Variants in GALK2 observed in about 807,000 individuals in gnomAD.
The protein encoded by GALK2 is galactokinase 2.
In GALK2, 36 loss-of-function variants were observed where a neutral mutation model predicts 52.4. That is an observed-to-expected ratio of 0.69 (90% CI 0.53 to 0.91). GALK2 has a LOEUF of 0.91. GALK2 is among the 40% of genes least tolerant of loss of function. The probability of loss-of-function intolerance (pLI) is 0.00; values close to 1 mark genes in which losing one functional copy is unlikely to be tolerated. For missense variants in GALK2, 579 were observed against 559.1 expected (o/e 1.04, Z -0.36); for synonymous variants, 176 against 199.1 (o/e 0.88, Z 0.98).
At chr15:49,171,643 T>C (rs546218589) in intron 1 of GALK2, among the ~76,000 whole-genome samples, 37 of 152,356 alleles carry the variant, frequency 2.4e-4, no homozygotes, top group Admixed American at 1.8e-3. Flanking sequence ...TAATATACTC[T>C]AGAGGTTCTT....
chr15:49,165,481 TAAAA>T (rs2084789425), upstream of GALK2, among the ~76,000 whole-genome samples: 1 of 152,164 alleles, frequency 6.6e-6, no homozygotes, highest in East Asian at 1.9e-4. Context: ...AAAATCAGAG[TAAAA>T]CAGTCTTTGC....
chr15:49,248,786 G>GT (rs527881894), intron 5 of GALK2, among the ~76,000 whole-genome samples: 35 of 151,916 alleles, frequency 2.3e-4, no homozygotes, highest in Admixed American at 8.5e-4. Flanking sequence ...TCACTTCTGG[G>GT]TTTTTTTTCC....
chr15:49,291,882 A>C (rs928715388), intron 7 of GALK2, among the ~76,000 whole-genome samples: 1 of 152,186 alleles, frequency 6.6e-6, no homozygotes, highest in Non-Finnish European at 1.5e-5. Context: ...AGTAAACAGG[A>C]AGTACCCTAA....
chr15:49,236,512 T>A (rs1484351191), intron 4 of GALK2, among the ~76,000 whole-genome samples: 1 of 152,202 alleles, frequency 6.6e-6, no homozygotes. Context: ...TTAGTATAAG[T>A]ATTTTCCAAG....
chr15:49,366,020 T>C, intron 3 of GALK2: 1 of 801,958 alleles, frequency 1.2e-6, no homozygotes, highest in Non-Finnish European at 2.3e-6. Flanking sequence ...ATTACAACTG[T>C]AAGAGGACTA....
chr15:49,199,424 G>T (rs954318973), intron 1 of GALK2, among the ~76,000 whole-genome samples: 9 of 152,106 alleles, frequency 5.9e-5, no homozygotes, highest in African/African-American at 2.2e-4. Flanking sequence ...CATCTACCAG[G>T]TAGTCCAGTA....
At chr15:49,245,604 C>G (rs546872910) in intron 5 of GALK2, among the ~76,000 whole-genome samples, 5 of 152,168 alleles carry the variant, frequency 3.3e-5, no homozygotes, top group African/African-American at 1.2e-4. Flanking sequence ...AATCAATGGC[C>G]TAGGGTGAGG....
In GALK2 at chr15:49,182,199, C is replaced by G. The variant is rs908950626; in HGVS notation, c.53+11824C>G. Among the ~76,000 whole-genome samples the G allele has an allele frequency of 5.9e-5, 9 of 152,238 alleles. No homozygotes were observed. In the South Asian group the frequency reaches 1.9e-3, roughly 32 times the overall value. ...ATTCTACTCTCTTTCTCCATGAGTT[C>G]AATTGTTTTAATTTTTAGCTCCTGC... On this transcript the variant is annotated intron_variant, in intron 1 of 9. Transcript: ENST00000560031.
chr15:49,303,731 T>C (rs1421474347), intron 8 of GALK2, among the ~76,000 whole-genome samples: 1 of 152,176 alleles, frequency 6.6e-6, no homozygotes, highest in African/African-American at 2.4e-5. Flanking sequence ...TGGTCCAGCC[T>C]TGCAGGCCTC....
chr15:49,285,612 C>T (rs2033262374), intron 7 of GALK2, among the ~76,000 whole-genome samples: 1 of 152,164 alleles, frequency 6.6e-6, no homozygotes, highest in Non-Finnish European at 1.5e-5. Flanking sequence ...TATTGACCAT[C>T]TTTACTTGAA....
chr15:49,266,527 C>T (rs2092367537), intron 5 of GALK2, among the ~76,000 whole-genome samples: 1 of 152,172 alleles, frequency 6.6e-6, no homozygotes, highest in African/African-American at 2.4e-5. Context: ...TCTTCTTAAT[C>T]TTCAGACCAG....
At chr15:49,304,143 C>T (rs1158785094) in intron 8 of GALK2, among the ~76,000 whole-genome samples, 2 of 152,236 alleles carry the variant, frequency 1.3e-5, no homozygotes, top group Non-Finnish European at 2.9e-5. Flanking sequence ...AAGAGGCCAA[C>T]ATCTTGCCAT....
intron 1 of GALK2, among the ~76,000 whole-genome samples, chr15:49,197,151 A>G (rs2087306380): frequency 6.6e-6 from 1 of 152,238 alleles, no homozygotes; most frequent in Non-Finnish European, 1.5e-5. Context: ...CTTAAATTCT[A>G]CAATTTTGAT....
chr15:49,205,645 G>A (rs2088216098), intron 2 of GALK2, among the ~76,000 whole-genome samples: 2 of 152,122 alleles, frequency 1.3e-5, no homozygotes, highest in Admixed American at 6.5e-5. Flanking sequence ...TTTGTCAGAT[G>A]TATAGACTGT....
intron 2 of GALK2, among the ~76,000 whole-genome samples, chr15:49,211,152 T>C (rs1266333256): frequency 6.6e-6 from 1 of 152,218 alleles, no homozygotes; most frequent in Non-Finnish European, 1.5e-5. Context: ...AGACTACATC[T>C]TGAATGCTTT....
At chr15:49,325,271 C>G (rs915241632) in intron 9 of GALK2, among the ~76,000 whole-genome samples, 3 of 152,226 alleles carry the variant, frequency 2.0e-5, no homozygotes, top group Non-Finnish European at 4.4e-5. Flanking sequence ...GTTGCTTTAA[C>G]AAACCCTTCT....
At chr15:49,267,396 T>C (rs1326003070) in intron 5 of GALK2, among the ~76,000 whole-genome samples, 5 of 152,176 alleles carry the variant, frequency 3.3e-5, no homozygotes, top group African/African-American at 1.2e-4. Context: ...CTCACTAAAC[T>C]GATTTAGCAA....
At chr15:49,177,700 C>T (rs982255306) in intron 1 of GALK2, 11 of 622,324 alleles carry the variant, frequency 1.8e-5, no homozygotes, top group Admixed American at 5.4e-5. Context: ...ACCAAGGCCA[C>T]GGATCTTTCG....
intron 3 of GALK2, among the ~76,000 whole-genome samples, chr15:49,228,417 A>G (rs2090261207): frequency 6.7e-6 from 1 of 149,820 alleles, no homozygotes; most frequent in African/African-American, 2.5e-5. Flanking sequence ...CTCTCTTATC[A>G]TTTTTTCCTT....
Sources: gnomAD v4.1 joint callset for allele counts (sites outside exome capture counted in the v4.1 genomes callset) on GRCh38, gnomAD v4.1.1 for gene constraint, MANE v1.5 for transcripts, NCBI Gene and HGNC (gene_info 2026-07-23, HGNC 2026-07-21) for gene names.